Variants in ERC1 observed in about 807,000 individuals in gnomAD.
The protein encoded by ERC1 is ELKS/RAB6-interacting/CAST family member 1, also known as RAB6 interacting protein 2.
Under a neutral mutation model 132.0 loss-of-function variants are expected in ERC1, and 56 were observed. The observed-to-expected ratio is 0.42, with a 90% CI of 0.34 to 0.53. ERC1 has a LOEUF of 0.53. Among genes scored for constraint, ERC1 ranks in the 20% least tolerant of loss-of-function variants. The pLI is 0.03. For missense variants in ERC1, 1,202 were observed against 1,349.9 expected (o/e 0.89, Z 1.72); for synonymous variants, 478 against 476.1 (o/e 1.00, Z -0.05).
chr12:1,009,614 A>G (rs1964352985), intron 1 of ERC1, among the ~76,000 whole-genome samples: 3 of 150,942 alleles, frequency 2.0e-5, no homozygotes, highest in South Asian at 4.2e-4. Flanking sequence ...TATAATACGT[A>G]TTTCTTTACT....
chr12:1,111,090 C>T (rs1390770671), intron 5 of ERC1, among the ~76,000 whole-genome samples: 1 of 152,078 alleles, frequency 6.6e-6, no homozygotes, highest in African/African-American at 2.4e-5. Flanking sequence ...TTTCTTTGCC[C>T]TATCCTGTGG....
At position 1,072,100 on chromosome 12, in the gene ERC1, C is replaced by CAA. The variant is rs11438076; in HGVS notation, c.670-11054_670-11053dup. On this transcript the variant is annotated intron_variant, in intron 2 of 18. Transcript: ENST00000360905. The stretch of plus-strand genomic sequence containing the variant: ...TGGGCAGCAGAGCAAGACTCTGTCT[C>CAA]AAAAAAAAAAACAAAAAAGTGTAAA... Among the ~76,000 whole-genome samples the CAA allele has an allele frequency of 1.3e-3, 172 of 136,072 alleles. 3 individuals are homozygous for CAA. The highest frequency in any genetic ancestry group is 4.1e-3 in the Middle Eastern group (1 of 244). The allele number at this position is 136,072 out of a possible 152,430, so 89.3% of individuals were successfully genotyped here. A position where few individuals can be genotyped will look rare whatever the true frequency, so the allele number is the denominator to read the frequency against.
At chr12:992,130 T>C (rs1335742317) in intron 1 of ERC1, among the ~76,000 whole-genome samples, 1 of 152,130 alleles carries the variant, frequency 6.6e-6, no homozygotes, top group Non-Finnish European at 1.5e-5. Context: ...TGGGTCGCAT[T>C]ACGCTTAGCT....
intron 15 of ERC1, among the ~76,000 whole-genome samples, chr12:1,345,725 G>T (rs1286530269): frequency 6.6e-6 from 1 of 151,942 alleles, no homozygotes; most frequent in African/African-American, 2.4e-5. Flanking sequence ...TAACTCCCAG[G>T]CTACTTAGTC....
chr12:1,219,650 T>C (rs1031990672), intron 12 of ERC1, among the ~76,000 whole-genome samples: 1 of 151,574 alleles, frequency 6.6e-6, no homozygotes. Context: ...TTTTTTTTTC[T>C]TTTTTGAGAC....
chr12:1,000,903 T>C (rs1275561464), intron 1 of ERC1, among the ~76,000 whole-genome samples: 1 of 152,196 alleles, frequency 6.6e-6, no homozygotes, highest in East Asian at 1.9e-4. Context: ...TATTTATTTA[T>C]TTTTAATTAA....
intron 18 of ERC1, among the ~76,000 whole-genome samples, chr12:1,449,394 C>G (rs1317395485): frequency 6.6e-6 from 1 of 152,174 alleles, no homozygotes; most frequent in East Asian, 1.9e-4. Context: ...ATTGTAGTTC[C>G]CATCATCCCC....
intron 13 of ERC1, among the ~76,000 whole-genome samples, chr12:1,262,435 C>G (rs1594630365): frequency 6.6e-6 from 1 of 152,286 alleles, no homozygotes; most frequent in East Asian, 1.9e-4. Context: ...CATTCTTAGC[C>G]AGACCGGTCA....
At chr12:1,274,307 C>A (rs770164925) in intron 14 of ERC1, among the ~76,000 whole-genome samples, 11 of 152,052 alleles carry the variant, frequency 7.2e-5, no homozygotes, top group Non-Finnish European at 1.5e-4. Context: ...TGGTCCTTTT[C>A]CTCATGGAGC....
chr12:1,121,691 C>G (rs1406500992), intron 7 of ERC1, among the ~76,000 whole-genome samples: 20 of 64,046 alleles, frequency 3.1e-4, no homozygotes, highest in East Asian at 7.6e-4. Flanking sequence ...ATCTCTATCT[C>G]TATCTCTATC....
chr12:1,297,920 C>T (rs945072229), intron 15 of ERC1, among the ~76,000 whole-genome samples: 2 of 151,958 alleles, frequency 1.3e-5, no homozygotes, highest in Admixed American at 6.6e-5. Flanking sequence ...TTCTTACGTT[C>T]GTGAAGTAGA....
At chr12:1,155,412 G>C (rs77476825) in intron 8 of ERC1, among the ~76,000 whole-genome samples, 174 of 147,898 alleles carry the variant, frequency 1.2e-3, no homozygotes, top group African/African-American at 4.0e-3. Flanking sequence ...TGAAAAAAAA[G>C]ACATCTATGA....
intron 2 of ERC1, among the ~76,000 whole-genome samples, chr12:1,045,696 T>C (rs1307717715): frequency 6.6e-6 from 1 of 152,154 alleles, no homozygotes; most frequent in Non-Finnish European, 1.5e-5. Context: ...CATTGTGTTT[T>C]TGACTAAGGA....
intron 16 of ERC1, among the ~76,000 whole-genome samples, chr12:1,394,254 G>A (rs1460288051): frequency 1.3e-5 from 2 of 151,358 alleles, no homozygotes; most frequent in Non-Finnish European, 2.9e-5. Flanking sequence ...CAAAAAATTA[G>A]CCAGGCGTGG....
chr12:1,001,807 T>C (rs971559833), intron 1 of ERC1, among the ~76,000 whole-genome samples: 2 of 152,036 alleles, frequency 1.3e-5, no homozygotes, highest in East Asian at 3.8e-4. Context: ...TTGTTTCTAG[T>C]TTTGGGCTAT....
At chr12:1,093,782 A>C (rs183641456) in intron 3 of ERC1, among the ~76,000 whole-genome samples, 4 of 151,514 alleles carry the variant, frequency 2.6e-5, no homozygotes, top group Admixed American at 1.3e-4. Flanking sequence ...TCTAACTAGC[A>C]TATCTGAGGA....
At chr12:1,443,993 TAAATG>T (rs1365066603) in intron 17 of ERC1, 1 of 152,314 alleles carries the variant, frequency 6.6e-6, no homozygotes, top group East Asian at 1.9e-4. Context: ...CTCTGTGAAA[TAAATG>T]AGAAGAGCAT....
chr12:1,225,152 T>A (rs1248484196), intron 12 of ERC1, among the ~76,000 whole-genome samples: 1 of 152,038 alleles, frequency 6.6e-6, no homozygotes, highest in Non-Finnish European at 1.5e-5. Flanking sequence ...TTGGAGTTGA[T>A]GGAGGTAGTC....
intron 17 of ERC1, among the ~76,000 whole-genome samples, chr12:1,422,955 T>G (rs1325492510): frequency 9.2e-5 from 14 of 152,262 alleles, no homozygotes; most frequent in Admixed American, 9.2e-4. Context: ...TGATTAGTGA[T>G]GCTCAGCATT....
Sources: gnomAD v4.1 joint callset for allele counts (sites outside exome capture counted in the v4.1 genomes callset) on GRCh38, gnomAD v4.1.1 for gene constraint, MANE v1.5 for transcripts, NCBI Gene and HGNC (gene_info 2026-07-23, HGNC 2026-07-21) for gene names.